Variants in ODF2L observed in about 807,000 individuals in gnomAD.
ODF2L encodes the protein outer dense fiber of sperm tails 2 like, also known as protein BCAP.
A neutral mutation model predicts 86.3 loss-of-function variants in ODF2L; 76 were observed. The ratio of observed to expected loss-of-function variants is 0.88; its 90% confidence interval spans 0.73 to 1.07. The LOEUF is 1.07. Ranked by LOEUF, ODF2L falls within the 50% of genes least tolerant of loss-of-function variation. The pLI is 0.00. For synonymous variants in ODF2L, 241 were observed against 231.3 expected, an observed-to-expected ratio of 1.04 and a Z score of -0.38; for missense variants, 748 against 717.4, an observed-to-expected ratio of 1.04 and a Z score of -0.49.
intron 1 of ODF2L, among the ~76,000 whole-genome samples, chr1:86,393,179 G>A (rs1661449318): frequency 6.6e-6 from 1 of 152,198 alleles, no homozygotes; most frequent in Non-Finnish European, 1.5e-5. Flanking sequence ...TCTCTGAAGA[G>A]AATAGCATAT....
At position 86,376,137 on chromosome 1, in the gene ODF2L, A is replaced by G. The variant is rs531512563; in HGVS notation, c.810+96T>C. 37 of 631,348 alleles carry G rather than the reference A, an allele frequency of 5.9e-5. No homozygotes were observed. In the African/African-American group the frequency reaches 6.4e-4, roughly 11 times the overall value. The allele number at this position is 631,348 out of a possible 1,614,324, so 39.1% of individuals were successfully genotyped here. ...TTTTCTGGTATTAACAGCATTAAGA[A>G]AAGAATAAAATTACTATATTAAGCA... is the stretch of plus-strand genomic sequence containing the variant. On this transcript the variant is annotated intron_variant, in intron 8 of 17. Coordinates refer to ENST00000317336, the Ensembl canonical transcript of ODF2L.
Position 86,352,918 on chromosome 1 carries a change from C to G in ODF2L, c.1834G>C (p.Glu612Gln), listed in dbSNP as rs149282656. The G allele has an allele frequency of 2.1e-5, 33 of 1,546,620 alleles. No individual in the cohort carries two copies. The African/African-American group carries it at 3.8e-4, about 18-fold the overall frequency. The change falls in exon 17 of 18, where the codon GAA becomes CAA. Residue 612 changes from glutamate (E) to glutamine (Q), a missense_variant. Physicochemically the swap from Glu to Gln is conservative, Grantham distance 29. Transcript: ENST00000317336. ...TCATTTTTCTTTCTAAGCTCAGTTTCCAGATCTAATATTTTAATTTGTAAA... is the reference window on the plus strand; with the variant it reads ...TCATTTTTCTTTCTAAGCTCAGTTTGCAGATCTAATATTTTAATTTGTAAA...
chr1:86,357,766 T>C, intron 13 of ODF2L: 1 of 977,792 alleles, frequency 1.0e-6, no homozygotes, highest in Non-Finnish European at 1.2e-6. Flanking sequence ...AAAATAGTTG[T>C]CTTGTTAAAT....
chr1:86,386,274 T>C (rs1165682520), intron 2 of ODF2L: 1 of 152,194 alleles, frequency 6.6e-6, no homozygotes, highest in South Asian at 2.1e-4. Context: ...ATGACAGTGA[T>C]TTCACATTCA....
At chr1:86,390,393 CT>C (rs1046742244) in intron 1 of ODF2L, among the ~76,000 whole-genome samples, 5 of 151,886 alleles carry the variant, frequency 3.3e-5, no homozygotes, top group Admixed American at 3.3e-4. Flanking sequence ...ACACTCCAGT[CT>C]GGCAACAGAG....
chr1:86,355,827 G>A (rs1658514160), intron 14 of ODF2L, among the ~76,000 whole-genome samples: 1 of 151,972 alleles, frequency 6.6e-6, no homozygotes, highest in African/African-American at 2.4e-5. Flanking sequence ...TTGGAAGATA[G>A]ACAGGGAATG....
At chr1:86,385,635 T>C in intron 2 of ODF2L, 45 bp from the exon 3 acceptor site, 1 of 1,486,982 alleles carries the variant, frequency 6.7e-7, no homozygotes, top group Non-Finnish European at 9.4e-7. Context: ...ATCCATTTCA[T>C]TTAAAGATGC....
chr1:86,349,744 A>G (rs1482952404), downstream of ODF2L: 1 of 152,202 alleles, frequency 6.6e-6, no homozygotes, highest in Admixed American at 6.5e-5. Flanking sequence ...GACTTCAAAG[A>G]CATTTCAGGC....
At chr1:86,382,481 AC>A in intron 6 of ODF2L, 123 bp from the exon 7 acceptor site, 1 of 1,487,108 alleles carries the variant, frequency 6.7e-7, no homozygotes, top group Non-Finnish European at 8.9e-7. Context: ...GCAAAGCACT[AC>A]TTTACATAAA....
At chr1:86,350,995 CCTTT>C (rs1658097663) in exon 18 of ODF2L, 1 of 151,708 alleles carries the variant, frequency 6.6e-6, no homozygotes, top group South Asian at 2.1e-4. Flanking sequence ...GGATATTGGC[CCTTT>C]GTCAGATGGA....
At chr1:86,377,452 G>C (rs1203337452) in intron 7 of ODF2L, among the ~76,000 whole-genome samples, 2 of 152,178 alleles carry the variant, frequency 1.3e-5, no homozygotes, top group East Asian at 1.9e-4. Context: ...CCACTAGGCA[G>C]TGCTCCAATG....
At chr1:86,363,271 C>T (rs917346903) in intron 11 of ODF2L, among the ~76,000 whole-genome samples, 24 of 152,136 alleles carry the variant, frequency 1.6e-4, no homozygotes, top group African/African-American at 5.8e-4. Flanking sequence ...CTTTTAGACA[C>T]CTATTAAATA....
chr1:86,395,022 T>C (rs1487518524), intron 1 of ODF2L, among the ~76,000 whole-genome samples: 2 of 152,002 alleles, frequency 1.3e-5, no homozygotes, highest in African/African-American at 4.8e-5. Context: ...TTGTATTTGT[T>C]TTAGTAGAGA....
intron 1 of ODF2L, among the ~76,000 whole-genome samples, chr1:86,393,385 A>G (rs988689287): frequency 3.1e-5 from 2 of 64,902 alleles, no homozygotes; most frequent in Non-Finnish European, 8.1e-5. Context: ...TAATTGTATG[A>G]AAAAAAAAAA....
intron 12 of ODF2L, 33 bp downstream of exon 11, chr1:86,360,393 T>G (rs1658943676): frequency 1.0e-6 from 1 of 961,698 alleles, no homozygotes; most frequent in African/African-American, 1.7e-5. Flanking sequence ...GTCTACCAAT[T>G]TTAGTAAACA....
At chr1:86,354,784 T>C (rs1332182761) in exon 15 of ODF2L, 22 of 1,596,804 alleles carry the variant, frequency 1.4e-5, no homozygotes, top group Non-Finnish European at 1.9e-5. Flanking sequence ...TGTTGAAGGT[T>C]TTCACACTTC....
At position 86,390,967 on chromosome 1, in the gene ODF2L, T is replaced by C. The variant is rs527313709; in HGVS notation, c.-59-3881A>G. 2.0e-5 allele frequency among the ~76,000 whole-genome samples: 3 copies of C among 152,306 alleles called. No individual in the cohort carries two copies. In the South Asian group the frequency reaches 6.2e-4, roughly 32 times the overall value. ...TCCTCCAAAAAGCTCCTAGAACTGATAAATTCAGCAGTTTCAAGATACAAA... is the reference window on the plus strand; with the variant it reads ...TCCTCCAAAAAGCTCCTAGAACTGACAAATTCAGCAGTTTCAAGATACAAA... On this transcript the variant is annotated intron_variant, in intron 1 of 17. Coordinates refer to ENST00000317336, the Ensembl canonical transcript of ODF2L.
chr1:86,390,334 T>G (rs1661232709), intron 1 of ODF2L, among the ~76,000 whole-genome samples: 1 of 152,152 alleles, frequency 6.6e-6, no homozygotes, highest in Non-Finnish European at 1.5e-5. Flanking sequence ...GGCAGAGAAT[T>G]GCTTGAACCC....
exon 5 of ODF2L, chr1:86,383,143 A>C: frequency 6.4e-7 from 1 of 1,567,284 alleles, no homozygotes; most frequent in South Asian, 1.2e-5. Flanking sequence ...CAGTATTTTC[A>C]CTTTCATTAT....
Sources: gnomAD v4.1 joint callset for allele counts (sites outside exome capture counted in the v4.1 genomes callset) on GRCh38, gnomAD v4.1.1 for gene constraint, MANE v1.5 for transcripts, NCBI Gene and HGNC (gene_info 2026-07-23, HGNC 2026-07-21) for gene names.